PGD: variants seen among roughly 807,000 people sequenced by gnomAD.
PGD encodes the protein phosphogluconate dehydrogenase, also known as 6-phosphogluconate dehydrogenase, decarboxylating.
In PGD, 21 loss-of-function variants were observed where a neutral mutation model predicts 60.4. The ratio of observed to expected loss-of-function variants is 0.35; its 90% confidence interval spans 0.25 to 0.50. PGD has a LOEUF of 0.50. Among genes scored for constraint, PGD ranks in the 20% least tolerant of loss-of-function variants. The pLI, the probability that PGD is intolerant of heterozygous loss-of-function variation, is 0.98. For synonymous variants in PGD, 230 were observed against 235.9 expected (o/e 0.97, Z 0.23); for missense variants, 477 against 613.1 (o/e 0.78, Z 2.34).
At chr1:10,408,172 G>T (rs769524380) in intron 6 of PGD, 32 bp downstream of exon 6, 1 of 1,231,740 alleles carries the variant, frequency 8.1e-7, no homozygotes, top group Admixed American at 1.7e-5. Flanking sequence ...AAAGCCAATT[G>T]GCAACATGGG....
rs186305705 is a variant in PGD, at chr1:10,416,883, G to A, written c.845-104G>A. 2.9e-4 allele frequency: 301 copies of A among 1,037,926 alleles called. 1 individual carries two copies. The highest frequency in any genetic ancestry group is 2.4e-3 in the African/African-American group (153 of 62,552). 64.3% of individuals were successfully genotyped at this position (1,037,926 alleles called of 1,614,324 possible). On this transcript the variant is annotated intron_variant, in intron 8 of 12. Transcript: ENST00000270776. ...CTTTTGTGATTCTTCACTTGCTTCAGGCCATCTGGATGTATACATGCAGGT... is the reference window on the plus strand; with the variant it reads ...CTTTTGTGATTCTTCACTTGCTTCAAGCCATCTGGATGTATACATGCAGGT...
At chr1:10,413,518 G>C (rs1165155347) in intron 8 of PGD, among the ~76,000 whole-genome samples, 4 of 152,086 alleles carry the variant, frequency 2.6e-5, no homozygotes, top group African/African-American at 9.7e-5. Context: ...TTTATCTTTG[G>C]AATATTTTAG....
intron 7 of PGD, among the ~76,000 whole-genome samples, chr1:10,412,639 C>T (rs1385494691): frequency 2.0e-5 from 3 of 152,156 alleles, no homozygotes; most frequent in Non-Finnish European, 4.4e-5. Context: ...TGGGGATATA[C>T]TAGTGAAGAA....
intron 10 of PGD, among the ~76,000 whole-genome samples, chr1:10,418,606 C>A (rs1342775710): frequency 1.3e-5 from 2 of 152,098 alleles, no homozygotes; most frequent in Admixed American, 1.3e-4. Flanking sequence ...GAAACCCTGT[C>A]TCTACTAAAA....
At chr1:10,415,791 C>T (rs1639584955) in intron 8 of PGD, among the ~76,000 whole-genome samples, 1 of 152,134 alleles carries the variant, frequency 6.6e-6, no homozygotes, top group South Asian at 2.1e-4. Flanking sequence ...TTTATTCTAA[C>T]TATAAGTTGT....
Position 10,420,054 on chromosome 1 carries a change from G to A in PGD, c.*305G>A, listed in dbSNP as rs1371114534. On this transcript the variant is annotated 3_prime_UTR_variant, in exon 13 of 13. Coordinates refer to ENST00000270776, the MANE Select transcript of PGD (RefSeq NM_002631.4). ...GCGGTTCCCATCACGCAGACAGGAA[G>A]GGTGTTTGCGCACTCTGATCAACTG... 2.8e-6 allele frequency: 1 copy of A among 362,312 alleles called. No individual in the cohort carries two copies. The highest frequency in any genetic ancestry group is 5.2e-6 in the Non-Finnish European group (1 of 192,262). The allele number at this position is 362,312 out of a possible 1,614,324, so 22.4% of individuals were successfully genotyped here.
intron 5 of PGD, 70 bp downstream of exon 5, chr1:10,404,349 G>A: frequency 2.1e-6 from 2 of 948,408 alleles, no homozygotes; most frequent in Non-Finnish European, 3.2e-6. Flanking sequence ...TAAGCCAGGA[G>A]CAGTTCTGCC....
At chr1:10,418,711 G>T (rs1488724362) in intron 10 of PGD, 115 bp from the exon 11 acceptor site, 2 of 620,456 alleles carry the variant, frequency 3.2e-6, no homozygotes, top group Admixed American at 5.3e-5. Context: ...GGAGGTGGAG[G>T]TTGCTGTGAG....
intron 1 of PGD, 46 bp downstream of exon 1, chr1:10,399,171 G>A: frequency 6.2e-7 from 1 of 1,602,088 alleles, no homozygotes; most frequent in Non-Finnish European, 8.5e-7. Context: ...CAGCGGGCGG[G>A]GAACTCTTTG....
At position 10,399,096 on chromosome 1, in the gene PGD, C is replaced by A. The variant is rs199802743; in HGVS notation, c.-22C>A. On this transcript the variant is annotated 5_prime_UTR_variant, in exon 1 of 13. Coordinates refer to ENST00000270776, the MANE Select transcript of PGD (RefSeq NM_002631.4). ...TCGTCCTCCGCGCGTCGCCGCTCTT[C>A]GGTTCTGCTCTGTCCGCCGCCATGG... 6.2e-7 allele frequency: 1 copy of A among 1,609,474 alleles called. No homozygotes were observed. The highest frequency in any genetic ancestry group is 1.1e-5 in the South Asian group (1 of 91,010).
chr1:10,400,587 G>C lies in PGD; in HGVS notation c.264+15G>C, dbSNP rs900616943. The C allele has an allele frequency of 6.3e-7, 1 of 1,591,678 alleles. No homozygotes were observed. Among genetic ancestry groups the C allele is most frequent in the Non-Finnish European group, 8.6e-7 (1 of 1,167,754 alleles). On this transcript the variant is annotated intron_variant, in intron 3 of 12. Transcript: ENST00000270776. ...TCGAGAAATTGGTGAGGCCAGCTGT[G>C]CTCTCAGCTGCTACCACGATAGCAG...
intron 9 of PGD, 88 bp downstream of exon 9, chr1:10,417,205 C>A: frequency 6.7e-7 from 1 of 1,498,460 alleles, no homozygotes; most frequent in Non-Finnish European, 9.2e-7. Context: ...CTCGAGGCCA[C>A]AGGATGGCAG....
rs1557766906 is a variant in PGD at position 10,418,924 on chromosome 1, A to C, written c.1208A>C (p.Gln403Pro). The change falls in exon 11 of 13, where the codon CAG becomes CCG. Residue 403 changes from glutamine to proline, a missense_variant and splice_region_variant. Transcript: ENST00000270776. ...DFFKSAVENC[Q>P]DSWRRAVSTG... ...TTTAAGTCAGCTGTTGAAAACTGCC[A>C]GGTATGTAGCCTAGGGCTGGTGCCA... 1 of 1,571,320 alleles carries C rather than the reference A, an allele frequency of 6.4e-7. No homozygotes were observed. The highest frequency in any genetic ancestry group is 8.8e-7 in the Non-Finnish European group (1 of 1,141,134).
intron 5 of PGD, among the ~76,000 whole-genome samples, chr1:10,404,580 C>G (rs922633763): frequency 1.3e-5 from 2 of 151,564 alleles, no homozygotes; most frequent in African/African-American, 4.9e-5. Context: ...GCTCACTGCA[C>G]CCCCCGTCTC....
intron 6 of PGD, among the ~76,000 whole-genome samples, chr1:10,410,080 G>C (rs1639474863): frequency 6.6e-6 from 1 of 152,128 alleles, no homozygotes; most frequent in South Asian, 2.1e-4. Flanking sequence ...GGAAGGGTAA[G>C]GTGAAGTAAG....
intron 2 of PGD, 110 bp downstream of exon 2, chr1:10,399,814 T>C (rs1287092450): frequency 2.2e-6 from 2 of 924,878 alleles, no homozygotes; most frequent in South Asian, 1.3e-5. Flanking sequence ...GCTAATGTGC[T>C]CTGTTGCTGC....
At chr1:10,408,719 C>A (rs943833278) in intron 6 of PGD, among the ~76,000 whole-genome samples, 2 of 152,214 alleles carry the variant, frequency 1.3e-5, no homozygotes, top group African/African-American at 4.8e-5. Flanking sequence ...AGCAATCCTC[C>A]TGCCTCAGCC....
chr1:10,399,558 G>T, intron 1 of PGD, 71 bp from the exon 2 acceptor site: 1 of 1,373,960 alleles, frequency 7.3e-7, no homozygotes. Context: ...AATGTGGAAG[G>T]ACCGGACCCC....
In PGD at chr1:10,417,394, A is replaced by G. The variant is rs1295949344; in HGVS notation, c.994A>G (p.Ile332Val). The change falls in exon 10 of 13, where the codon ATC becomes GTC. Residue 332 changes from isoleucine to valine, a missense_variant. Ile to Val is a conservative substitution (Grantham distance 29). This residue lies in a region of PGD where 431 missense variants were observed against 556.6 expected (regional missense o/e 0.77). Coordinates refer to ENST00000270776, the MANE Select transcript of PGD (RefSeq NM_002631.4). ...TCTTTAGGCACTCTACGCTTCCAAG[A>G]TCATCTCTTACGCTCAAGGCTTTAT... is the stretch of plus-strand genomic sequence containing the variant. ...DIRKALYASK[I>V]ISYAQGFMLL... The G allele has an allele frequency of 5.0e-6, 8 of 1,611,950 alleles. No homozygotes were observed. The highest frequency in any genetic ancestry group is 6.8e-6 in the Non-Finnish European group (8 of 1,179,220).
Sources: allele counts gnomAD v4.1 joint callset (sites outside exome capture counted in the v4.1 genomes callset), GRCh38; gene constraint gnomAD v4.1.1; regional missense constraint gnomAD v4.1.1; transcripts MANE v1.5; gene names NCBI Gene and HGNC (gene_info 2026-07-23, HGNC 2026-07-21).